TOX: variants seen among roughly 807,000 people sequenced by gnomAD.
TOX encodes thymocyte selection associated high mobility group box.
In TOX, 11 loss-of-function variants were observed where a neutral mutation model predicts 53.7. That is an observed-to-expected ratio of 0.20 (90% CI 0.13 to 0.34). TOX has a LOEUF of 0.34. Among genes scored for constraint, TOX ranks in the 10% least tolerant of loss-of-function variants. TOX has a pLI of 1.00. For missense variants in TOX, 570 were observed against 664.6 expected, an observed-to-expected ratio of 0.86 and a Z score of 1.56; for synonymous variants, 225 against 245.3, an observed-to-expected ratio of 0.92 and a Z score of 0.77.
chr8:58,939,880 G>A (rs954760610), intron 2 of TOX, among the ~76,000 whole-genome samples: 3 of 152,146 alleles, frequency 2.0e-5, no homozygotes, highest in Non-Finnish European at 2.9e-5. Flanking sequence ...CGGAAGGAAG[G>A]CAATTTATAA....
chr8:58,826,602 G>A (rs569823984), intron 6 of TOX, among the ~76,000 whole-genome samples: 2 of 152,202 alleles, frequency 1.3e-5, no homozygotes, highest in Admixed American at 6.5e-5. Context: ...TCATCCACAG[G>A]TGGACAATAT....
At chr8:59,108,607 T>C (rs1184353071) in intron 1 of TOX, among the ~76,000 whole-genome samples, 6 of 151,990 alleles carry the variant, frequency 3.9e-5, no homozygotes, top group Non-Finnish European at 7.4e-5. Flanking sequence ...TTGAGTTTCA[T>C]TTTTTTCTCT....
At chr8:59,082,174 T>C (rs751982299) in intron 1 of TOX, among the ~76,000 whole-genome samples, 16 of 152,234 alleles carry the variant, frequency 1.1e-4, no homozygotes, top group Admixed American at 3.9e-4. Flanking sequence ...TCTTTATTTG[T>C]CTGGTTTAGT....
intron 1 of TOX, among the ~76,000 whole-genome samples, chr8:59,028,132 T>C (rs1814278839): frequency 6.6e-6 from 1 of 152,192 alleles, no homozygotes; most frequent in Non-Finnish European, 1.5e-5. Context: ...CCTTAATAAG[T>C]AATTCTTTTT....
intron 3 of TOX, among the ~76,000 whole-genome samples, chr8:58,899,463 T>C (rs1811699522): frequency 6.6e-6 from 1 of 152,210 alleles, no homozygotes; most frequent in Non-Finnish European, 1.5e-5. Context: ...ACAGTTGTGA[T>C]AGAGTGCTCA....
intron 3 of TOX, among the ~76,000 whole-genome samples, chr8:58,853,620 A>T (rs1156588825): frequency 6.6e-6 from 1 of 152,218 alleles, no homozygotes; most frequent in Non-Finnish European, 1.5e-5. Context: ...TAAGCAGCTG[A>T]TTCAACATTT....
intron 1 of TOX, among the ~76,000 whole-genome samples, chr8:58,966,301 C>T (rs1252355573): frequency 6.6e-6 from 1 of 152,154 alleles, no homozygotes; most frequent in Non-Finnish European, 1.5e-5. Flanking sequence ...AGGAAAGAGA[C>T]CAGACTGAGC....
At chr8:59,100,520 G>C (rs1173849088) in intron 1 of TOX, among the ~76,000 whole-genome samples, 1 of 152,180 alleles carries the variant, frequency 6.6e-6, no homozygotes, top group Admixed American at 6.5e-5. Flanking sequence ...AATTGTGAAA[G>C]TATAATTGCA....
In TOX at chr8:58,839,092, C is replaced by T. The variant is rs536662261; in HGVS notation, c.694-781G>A. On this transcript the variant is annotated intron_variant, in intron 4 of 8. Coordinates refer to ENST00000361421, the MANE Select transcript of TOX (RefSeq NM_014729.3). ...GCTTTTGACTTTGTCCCTAGATCTA[C>T]GGAATGCTGCCAGGAAAACCCAGCA... 1.7e-4 allele frequency among the ~76,000 whole-genome samples: 26 copies of T among 152,244 alleles called. 1 individual carries two copies. Among genetic ancestry groups the T allele is most frequent in the Middle Eastern group, 3.4e-3 (1 of 292 alleles).
At position 58,851,737 on chromosome 8, in the gene TOX, T is replaced by C; in HGVS notation, c.480A>G (p.Pro160=). ...GCCTGATGTCTGCAGGCTGGCCCCT[T>C]GGTCTCATGGCTGCCATCTGAGGAT... ...SSHPQMAAMR[P]RGQPADIRQQ... The change falls in exon 4 of 9, where the codon CCA becomes CCG. Residue 160 remains proline (P), a synonymous_variant. Transcript: ENST00000361421. This position sits in a 1 kb window ranked among gnomAD's most constrained non-coding sequence, Gnocchi z 4.4. 1 of 1,613,096 alleles carries C rather than the reference T, an allele frequency of 6.2e-7. No individual in the cohort carries two copies. Among genetic ancestry groups the C allele is most frequent in the Non-Finnish European group, 8.5e-7 (1 of 1,179,742 alleles).
intron 1 of TOX, among the ~76,000 whole-genome samples, chr8:58,971,811 G>A (rs759082599): frequency 2.6e-5 from 4 of 151,982 alleles, no homozygotes; most frequent in Non-Finnish European, 4.4e-5. Context: ...TTGCCTTAGC[G>A]TCCACAGCAG....
intron 3 of TOX, among the ~76,000 whole-genome samples, chr8:58,886,450 T>A (rs1811469991): frequency 6.6e-6 from 1 of 152,116 alleles, no homozygotes; most frequent in Non-Finnish European, 1.5e-5. Flanking sequence ...CAGGGCTACA[T>A]GTGACCATGT....
chr8:59,085,919 T>A (rs1031416023), intron 1 of TOX, among the ~76,000 whole-genome samples: 6 of 151,624 alleles, frequency 4.0e-5, no homozygotes, highest in Non-Finnish European at 7.4e-5. Context: ...TCAGGGTGAA[T>A]CAAACCATTC....
chr8:59,097,253 T>C (rs559076113), intron 1 of TOX, among the ~76,000 whole-genome samples: 4 of 152,250 alleles, frequency 2.6e-5, no homozygotes, highest in Admixed American at 2.0e-4. Context: ...CCAACTTCCA[T>C]ACCTGTCTGA....
At chr8:58,995,173 A>T (rs1173949726) in intron 1 of TOX, among the ~76,000 whole-genome samples, 2 of 152,240 alleles carry the variant, frequency 1.3e-5, no homozygotes, top group Non-Finnish European at 2.9e-5. Flanking sequence ...CACTTGAGGA[A>T]TAATTGCTAT....
At chr8:58,947,560 C>A (rs909302894) in intron 2 of TOX, among the ~76,000 whole-genome samples, 1 of 151,814 alleles carries the variant, frequency 6.6e-6, no homozygotes, top group Non-Finnish European at 1.5e-5. Flanking sequence ...GTTCTTATGG[C>A]GATATGGTTA....
intron 2 of TOX, among the ~76,000 whole-genome samples, chr8:58,945,425 C>T (rs1812509439): frequency 6.6e-6 from 1 of 152,122 alleles, no homozygotes; most frequent in African/African-American, 2.4e-5. Flanking sequence ...TGCTTGGATG[C>T]CTTTTCAGCC....
intron 1 of TOX, among the ~76,000 whole-genome samples, chr8:59,018,278 G>T (rs200570474): frequency 6.6e-6 from 1 of 152,130 alleles, no homozygotes; most frequent in Admixed American, 6.6e-5. Context: ...AAGAACCCAG[G>T]TGAGAAAGAA....
chr8:58,935,936 G>A (rs1354870521), intron 3 of TOX, among the ~76,000 whole-genome samples: 1 of 152,142 alleles, frequency 6.6e-6, no homozygotes, highest in Non-Finnish European at 1.5e-5. Context: ...ATGCAAAAAT[G>A]GCTTAATGGC....
Sources: allele counts gnomAD v4.1 joint callset (sites outside exome capture counted in the v4.1 genomes callset), GRCh38; gene constraint gnomAD v4.1.1; non-coding constraint Gnocchi (gnomAD v3.1); transcripts MANE v1.5; gene names NCBI Gene and HGNC (gene_info 2026-07-23, HGNC 2026-07-21).